Variants in C1D observed in about 807,000 individuals in gnomAD.
C1D encodes the protein nuclear nucleic acid-binding protein C1D.
In C1D, 10 loss-of-function variants were observed where a neutral mutation model predicts 17.5. The observed-to-expected ratio is 0.57, with a 90% confidence interval of 0.35 to 0.97. The LOEUF is 0.97. C1D is among the 50% of genes least tolerant of loss of function. The pLI, the probability that C1D is intolerant of heterozygous loss-of-function variation, is 0.01. For missense variants in C1D, 136 were observed against 160.1 expected (o/e 0.85, Z 0.81); for synonymous variants, 49 against 54.0 (o/e 0.91, Z 0.40).
chr2:68,043,750 CA>C (rs1671038086), intron 4 of C1D, among the ~76,000 whole-genome samples: 1 of 152,158 alleles, frequency 6.6e-6, no homozygotes. Context: ...AGCCATAAAA[CA>C]GCAGAGTAAA....
chr2:68,048,379 A>G (rs1397151844), intron 1 of C1D, among the ~76,000 whole-genome samples: 2 of 152,204 alleles, frequency 1.3e-5, no homozygotes, highest in African/African-American at 4.8e-5. Context: ...ATGGAAGTAA[A>G]GAGACTTGGG....
chr2:68,044,203 T>TA (rs1300456843), intron 4 of C1D, among the ~76,000 whole-genome samples: 1 of 152,198 alleles, frequency 6.6e-6, no homozygotes, highest in African/African-American at 2.4e-5. Context: ...TTTACTTTAT[T>TA]ATTTGTCTCC....
chr2:68,050,540 G>A (rs146069199), intron 1 of C1D, among the ~76,000 whole-genome samples: 1 of 152,140 alleles, frequency 6.6e-6, no homozygotes, highest in Non-Finnish European at 1.5e-5. Flanking sequence ...CTCCTTGAGT[G>A]ACACTGTTGA....
At chr2:68,058,812 C>T (rs868582237) in intron 1 of C1D, among the ~76,000 whole-genome samples, 1 of 152,162 alleles carries the variant, frequency 6.6e-6, no homozygotes, top group African/African-American at 2.4e-5. Flanking sequence ...CTAGAATCTC[C>T]GATTTCCTTA....
rs148696296 is a variant in C1D, at chr2:68,057,017, G to A, written c.-10+5941C>T. ...CCCACACATCCATTATTAGAACCTG[G>A]TTAAATAAATTATGATATGCCCACC... On this transcript the variant is annotated intron_variant, in intron 1 of 4. Transcript: ENST00000410067. 2.2e-4 allele frequency among the ~76,000 whole-genome samples: 34 copies of A among 152,230 alleles called. No homozygotes were observed. In the East Asian group the frequency reaches 6.2e-3, roughly 28 times the overall value.
At chr2:68,052,033 C>T (rs13390548) in intron 1 of C1D, among the ~76,000 whole-genome samples, 5,659 of 151,886 alleles carry the variant, frequency 0.037, 311 homozygotes, top group African/African-American at 0.13. Flanking sequence ...AGATATTCAT[C>T]GACAGGGAAA....
chr2:68,058,821 T>C (rs577729679), intron 1 of C1D, among the ~76,000 whole-genome samples: 62 of 152,306 alleles, frequency 4.1e-4, no homozygotes, highest in African/African-American at 1.4e-3. Flanking sequence ...CCGATTTCCT[T>C]AGCAACATTC....
chr2:68,047,081 A>G, intron 2 of C1D, 92 bp downstream of exon 2: 1 of 1,149,816 alleles, frequency 8.7e-7, no homozygotes, highest in Non-Finnish European at 1.2e-6. Flanking sequence ...AAAGGGGCAT[A>G]GGTCATTAAT....
chr2:68,059,589 CA>C (rs1324022989), intron 1 of C1D, among the ~76,000 whole-genome samples: 1 of 152,156 alleles, frequency 6.6e-6, no homozygotes, highest in East Asian at 1.9e-4. Context: ...ACATATCTAT[CA>C]ATAACACTCC....
At position 68,054,969 on chromosome 2, in the gene C1D, CTT is replaced by C. The variant is rs142398518; in HGVS notation, c.-9-7652_-9-7651del. 6.4e-3 allele frequency among the ~76,000 whole-genome samples: 844 copies of C among 131,190 alleles called. 10 individuals carry two copies. The highest frequency in any genetic ancestry group is 0.026 in the African/African-American group (802 of 30,616). The allele number at this position is 131,190 out of a possible 152,430, so 86.1% of individuals were successfully genotyped here. On this transcript the variant is annotated intron_variant, in intron 1 of 4. Transcript: ENST00000410067. ...CAACAGAGCAAGGCCCACATCCTTT[CTT>C]TTTTTTTTAAAAAAAAAAAAAAGAC... is the stretch of plus-strand genomic sequence containing the variant.
chr2:68,062,010 C>T (rs1671644471), intron 1 of C1D, among the ~76,000 whole-genome samples: 1 of 152,216 alleles, frequency 6.6e-6, no homozygotes, highest in African/African-American at 2.4e-5. Flanking sequence ...TAGGGCTAAT[C>T]TGTTGTTTTT....
intron 1 of C1D, among the ~76,000 whole-genome samples, chr2:68,053,797 A>G (rs1046390504): frequency 6.6e-6 from 1 of 151,826 alleles, no homozygotes; most frequent in East Asian, 1.9e-4. Context: ...GTGCTCTCTC[A>G]CTCTCAACTT....
chr2:68,059,539 T>C (rs1176795689), intron 1 of C1D, among the ~76,000 whole-genome samples: 1 of 152,184 alleles, frequency 6.6e-6, no homozygotes, highest in African/African-American at 2.4e-5. Flanking sequence ...AATACAGTTA[T>C]CACACTGGTG....
chr2:68,053,936 A>G (rs1368740472), intron 1 of C1D, among the ~76,000 whole-genome samples: 6 of 150,636 alleles, frequency 4.0e-5, no homozygotes, highest in Non-Finnish European at 8.9e-5. Flanking sequence ...CTCTCCTTCT[A>G]TGCTCTCTGT....
chr2:68,062,304 A>G (rs1182281446), intron 1 of C1D, among the ~76,000 whole-genome samples: 1 of 152,252 alleles, frequency 6.6e-6, no homozygotes, highest in Middle Eastern at 3.2e-3. Context: ...TGCGACAAAT[A>G]CATCTTTATC....
chr2:68,058,701 C>A (rs1462763917), intron 1 of C1D, among the ~76,000 whole-genome samples: 1 of 152,132 alleles, frequency 6.6e-6, no homozygotes, highest in African/African-American at 2.4e-5. Flanking sequence ...TTTGTTCCTC[C>A]CTGAAAATCT....
intron 1 of C1D, among the ~76,000 whole-genome samples, chr2:68,057,206 G>A (rs1342230656): frequency 6.6e-6 from 1 of 152,180 alleles, no homozygotes; most frequent in Non-Finnish European, 1.5e-5. Context: ...AGGTTGGAGT[G>A]CAGTGGTGCG....
chr2:68,052,017 T>C (rs966470933), intron 1 of C1D, among the ~76,000 whole-genome samples: 2 of 152,012 alleles, frequency 1.3e-5, no homozygotes, highest in Non-Finnish European at 2.9e-5. Flanking sequence ...ATATTGGAAA[T>C]AATCTAGATA....
At chr2:68,047,898 C>CT (rs1393488036) in intron 1 of C1D, among the ~76,000 whole-genome samples, 3 of 152,072 alleles carry the variant, frequency 2.0e-5, no homozygotes, top group Non-Finnish European at 4.4e-5. Context: ...AAGCAAAGCA[C>CT]TTTTTTTAGA....
Sources: allele counts gnomAD v4.1 joint callset (sites outside exome capture counted in the v4.1 genomes callset), GRCh38; gene constraint gnomAD v4.1.1; transcripts MANE v1.5; gene names NCBI Gene and HGNC (gene_info 2026-07-23, HGNC 2026-07-21).